PTPRQ: variants seen among roughly 807,000 people sequenced by gnomAD.
The protein encoded by PTPRQ is protein tyrosine phosphatase receptor type Q, also known as phosphatidylinositol phosphatase PTPRQ.
A neutral mutation model predicts 246.0 loss-of-function variants in PTPRQ; 199 were observed. The ratio of observed to expected loss-of-function variants is 0.81; its 90% CI spans 0.72 to 0.91. PTPRQ has a LOEUF of 0.91. Ranked by LOEUF, PTPRQ falls within the 40% of genes least tolerant of loss-of-function variation. PTPRQ has a pLI of 0.00. For synonymous variants in PTPRQ, 869 were observed against 853.2 expected (o/e 1.02, Z -0.32); for missense variants, 2,624 against 2,528.4 (o/e 1.04, Z -0.81).
At chr12:80,466,354 A>G (rs1893412590) in intron 6 of PTPRQ, among the ~76,000 whole-genome samples, 1 of 152,206 alleles carries the variant, frequency 6.6e-6, no homozygotes, top group South Asian at 2.1e-4. Context: ...ATGAAATAAA[A>G]GAGGATACAA....
At position 80,506,138 on chromosome 12, in the gene PTPRQ, A is replaced by G. The variant is rs1894951929; in HGVS notation, c.2387A>G (p.Tyr796Cys). 1 of 1,538,364 alleles carries G rather than the reference A, an allele frequency of 6.5e-7. No individual in the cohort carries two copies. The highest frequency in any genetic ancestry group is 8.8e-7 in the Non-Finnish European group (1 of 1,142,106). The part of the protein sequence containing the change: ...PNGIIQKYTI[Y>C]LKRSNGNEER... Reference sequence around the variant, plus strand: ...GGAATCATACAAAAATATACAATTTATCTCAAGAGAAGTAATGGAAATGAG... The same window carrying G: ...GGAATCATACAAAAATATACAATTTGTCTCAAGAGAAGTAATGGAAATGAG... Residue 796 changes from tyrosine (Y) to cysteine (C), a missense_variant, in exon 15 of 45, where the codon TAT becomes TGT. By Grantham distance (194) the Tyr-to-Cys change is radical. Transcript: ENST00000644991.
intron 25 of PTPRQ, among the ~76,000 whole-genome samples, chr12:80,562,378 AGTTCTCCAGT>A (rs1896852515): frequency 6.6e-6 from 1 of 152,158 alleles, no homozygotes; most frequent in South Asian, 2.1e-4. Context: ...CAATTGGGAG[AGTTCTCCAGT>A]GAAACTATCT....
chr12:80,555,257 A>G (rs1038738574), intron 25 of PTPRQ, among the ~76,000 whole-genome samples: 5 of 152,248 alleles, frequency 3.3e-5, no homozygotes, highest in Admixed American at 6.5e-5. Flanking sequence ...AGATAGTCTC[A>G]CTATGTTGCC....
At chr12:80,575,854 A>T in intron 25 of PTPRQ, among the ~76,000 whole-genome samples, 1 of 150,964 alleles carries the variant, frequency 6.6e-6, no homozygotes, top group Non-Finnish European at 1.5e-5. Flanking sequence ...AAAAAAAAAA[A>T]AAAGAAAAAA....
chr12:80,565,630 A>G (rs1418298166), intron 25 of PTPRQ, among the ~76,000 whole-genome samples: 2 of 152,230 alleles, frequency 1.3e-5, no homozygotes, highest in Non-Finnish European at 2.9e-5. Flanking sequence ...GTCTGAGATT[A>G]TAAACGTCAT....
Position 80,549,753 on chromosome 12 carries a change from GT to G in PTPRQ, c.4285+20del. The G allele has an allele frequency of 6.9e-7, 1 of 1,443,022 alleles. No homozygotes were observed. The highest frequency in any genetic ancestry group is 1.3e-5 in the South Asian group (1 of 76,990). The allele number at this position is 1,443,022 out of a possible 1,614,324, so 89.4% of individuals were successfully genotyped here. A position where few individuals can be genotyped will look rare whatever the true frequency, so the allele number is the denominator to read the frequency against. ...GAAACAGGTAACTAACGTGAAACAG[GT>G]AACTAACATGAAACCTTTAACTATT... On this transcript the variant is annotated intron_variant, in intron 25 of 44. Transcript: ENST00000644991.
At chr12:80,623,539 C>G (rs967037726) in intron 33 of PTPRQ, among the ~76,000 whole-genome samples, 2 of 152,110 alleles carry the variant, frequency 1.3e-5, no homozygotes, top group Non-Finnish European at 2.9e-5. Flanking sequence ...TTCTTGTCAT[C>G]AGCATAATTT....
intron 8 of PTPRQ, among the ~76,000 whole-genome samples, chr12:80,478,900 T>C (rs926102199): frequency 2.6e-5 from 4 of 152,154 alleles, no homozygotes; most frequent in African/African-American, 7.2e-5. Context: ...CTACGTCTGA[T>C]TGGTGTACCT....
intron 8 of PTPRQ, among the ~76,000 whole-genome samples, chr12:80,479,766 A>G (rs536528197): frequency 7.9e-5 from 12 of 151,984 alleles, no homozygotes; most frequent in African/African-American, 2.9e-4. Context: ...AATAAAGATC[A>G]AAAGAGACAA....
At chr12:80,514,402 A>ACACACACTCTCTCTCTCTCT (rs552667526) in intron 17 of PTPRQ, among the ~76,000 whole-genome samples, 31 of 113,020 alleles carry the variant, frequency 2.7e-4, no homozygotes, top group African/African-American at 8.7e-4. Flanking sequence ...ACACACACAC[A>ACACACACTCTCTCTCTCTCT]CTCTCTCTCT....
At position 80,635,114 on chromosome 12, in the gene PTPRQ, T is replaced by C. The variant is rs562194883; in HGVS notation, c.5915+41T>C. 38 of 1,544,798 alleles carry C rather than the reference T, an allele frequency of 2.5e-5. No individual in the cohort carries two copies. In the African/African-American group the frequency reaches 5.1e-4, roughly 21 times the overall value. On this transcript the variant is annotated intron_variant, in intron 35 of 44. Coordinates refer to ENST00000644991, the MANE Select transcript of PTPRQ (RefSeq NM_001145026.2). ...TGGGTGAACTGTGGTCCAGAGGGCC[T>C]GGAGCCATGACCCTATTCTGACCTA...
In PTPRQ at chr12:80,539,765, T is replaced by A; in HGVS notation, c.2986-11T>A. On this transcript the variant is annotated splice_polypyrimidine_tract_variant and intron_variant, in intron 19 of 44. Coordinates refer to ENST00000644991, the MANE Select transcript of PTPRQ (RefSeq NM_001145026.2). ...AATACATTCTGAACAATGAATGTGT[T>A]TATTTTTCAGAATTTTACACTCCAT... The A allele has an allele frequency of 6.6e-7, 1 of 1,520,830 alleles. No individual in the cohort carries two copies. The highest frequency in any genetic ancestry group is 1.3e-5 in the South Asian group (1 of 77,008). 94.2% of individuals were successfully genotyped at this position (1,520,830 alleles called of 1,614,324 possible).
chr12:80,524,221 A>G (rs1388540335), intron 17 of PTPRQ, among the ~76,000 whole-genome samples: 2 of 152,034 alleles, frequency 1.3e-5, no homozygotes, highest in Non-Finnish European at 1.5e-5. Flanking sequence ...TGCTTGGTAG[A>G]TCTTCCTCCA....
rs148649977 is a variant in PTPRQ at position 80,567,542 on chromosome 12, A to G, written c.4285+17808A>G. 1.8e-3 allele frequency among the ~76,000 whole-genome samples: 277 copies of G among 152,296 alleles called. 4 individuals carry two copies. The highest frequency in any genetic ancestry group is 6.5e-3 in the African/African-American group (270 of 41,566). Reference sequence around the variant, plus strand: ...AACTGCTGCCCTGATTTCAATCAACATAGATTAGTTTCACTTGTTCTTAAG... The same window carrying G: ...AACTGCTGCCCTGATTTCAATCAACGTAGATTAGTTTCACTTGTTCTTAAG... On this transcript the variant is annotated intron_variant, in intron 25 of 44. Coordinates refer to ENST00000644991, the MANE Select transcript of PTPRQ (RefSeq NM_001145026.2).
At chr12:80,538,943 G>T (rs1313071873) in intron 19 of PTPRQ, among the ~76,000 whole-genome samples, 2 of 152,048 alleles carry the variant, frequency 1.3e-5, no homozygotes, top group African/African-American at 4.8e-5. Flanking sequence ...TTGAATGCAG[G>T]TCTATAGGAC....
intron 38 of PTPRQ, among the ~76,000 whole-genome samples, chr12:80,657,420 G>T (rs116159879): frequency 0.028 from 4,201 of 151,758 alleles, 184 homozygotes; most frequent in African/African-American, 0.096. Context: ...GAACAATTGA[G>T]AAATGTTTTT....
intron 4 of PTPRQ, among the ~76,000 whole-genome samples, chr12:80,457,948 G>A (rs1893030262): frequency 6.6e-6 from 1 of 151,962 alleles, no homozygotes; most frequent in Admixed American, 6.6e-5. Flanking sequence ...TTTCTGGCTT[G>A]TCTATTTCCC....
At chr12:80,582,557 G>C (rs1444466439) in intron 25 of PTPRQ, among the ~76,000 whole-genome samples, 2 of 152,082 alleles carry the variant, frequency 1.3e-5, no homozygotes, top group Admixed American at 1.3e-4. Context: ...GCTATACAAG[G>C]ACACAATAAG....
rs1451125687 is a variant in PTPRQ at position 80,468,853 on chromosome 12, G to A, written c.1039+15G>A. 11 of 1,541,906 alleles carry A rather than the reference G, an allele frequency of 7.1e-6. No individual in the cohort carries two copies. Among genetic ancestry groups the A allele is most frequent in the Non-Finnish European group, 9.6e-6 (11 of 1,143,640 alleles). ...TGGACCATCAGGTAAGCCTTAATTG[G>A]TTTTGTGTTTGCCTTTTGGAGTGAG... On this transcript the variant is annotated intron_variant, in intron 7 of 44. Transcript: ENST00000644991.
Sources: gnomAD v4.1 joint callset for allele counts (sites outside exome capture counted in the v4.1 genomes callset) on GRCh38, gnomAD v4.1.1 for gene constraint, MANE v1.5 for transcripts, NCBI Gene and HGNC (gene_info 2026-07-23, HGNC 2026-07-21) for gene names.